The following RAD51B variants were observed in gnomAD, a reference collection of about 807,000 sequenced individuals.
The protein encoded by RAD51B is DNA repair protein RAD51 homolog 2.
Under a neutral mutation model 42.2 loss-of-function variants are expected in RAD51B, and 38 were observed. The ratio of observed to expected loss-of-function variants is 0.90; its 90% CI spans 0.70 to 1.18. The LOEUF is 1.18. Among genes scored for constraint, RAD51B ranks in the 50% most tolerant of loss-of-function variants. The pLI is 0.00. For synonymous variants in RAD51B, 154 were observed against 145.2 expected, an observed-to-expected ratio of 1.06 and a Z score of -0.43; for missense variants, 373 against 400.7, an observed-to-expected ratio of 0.93 and a Z score of 0.59.
rs534735822 is a variant in RAD51B at position 68,601,264 on chromosome 14, G to A, written c.1037-9742G>A. Among the ~76,000 whole-genome samples the A allele has an allele frequency of 2.6e-5, 4 of 152,162 alleles. No homozygotes were observed. In the South Asian group the frequency reaches 8.3e-4, roughly 32 times the overall value. ...GGTGGGGGGGTGGGTCCTGGCAAGA[G>A]ATGGGTGATGTAGGAATGGCCTAGC... is the stretch of plus-strand genomic sequence containing the variant. On this transcript the variant is annotated intron_variant, in intron 10 of 10. Transcript: ENST00000487861.
intron 5 of RAD51B, among the ~76,000 whole-genome samples, chr14:67,875,553 G>T (rs1283158756): frequency 6.6e-6 from 1 of 152,066 alleles, no homozygotes; most frequent in Non-Finnish European, 1.5e-5. Flanking sequence ...TGTTACAATT[G>T]CCTACAATAT....
At chr14:67,879,223 G>A (rs2042828101) in intron 5 of RAD51B, among the ~76,000 whole-genome samples, 1 of 152,230 alleles carries the variant, frequency 6.6e-6, no homozygotes, top group Non-Finnish European at 1.5e-5. Context: ...CTTTTTAAAG[G>A]AAGTCTCAGC....
intron 3 of RAD51B, among the ~76,000 whole-genome samples, chr14:67,833,983 G>A (rs956491044): frequency 2.6e-5 from 4 of 152,116 alleles, no homozygotes; most frequent in African/African-American, 9.7e-5. Flanking sequence ...AGTTTCCTGT[G>A]GCAGTTCTAA....
At chr14:68,609,172 A>G (rs1891572641) in intron 10 of RAD51B, among the ~76,000 whole-genome samples, 1 of 151,924 alleles carries the variant, frequency 6.6e-6, no homozygotes, top group South Asian at 2.1e-4. Context: ...CTCACTCTCA[A>G]CTTTACTCAG....
Position 68,083,708 on chromosome 14 carries a change from G to A in RAD51B, c.756+196504G>A, listed in dbSNP as rs1334994853. On this transcript the variant is annotated intron_variant, in intron 7 of 10. Coordinates refer to ENST00000471583, the MANE Select transcript of RAD51B (RefSeq NM_133510.4). ...ATATTTCTTGATAGAAAAAAAGTAA[G>A]TTGCCATTCATGCAAGTAAATCATA... is the stretch of plus-strand genomic sequence containing the variant. Among the ~76,000 whole-genome samples the A allele has an allele frequency of 1.3e-5, 2 of 152,104 alleles. 1 individual carries two copies. Among genetic ancestry groups the A allele is most frequent in the Non-Finnish European group, 2.9e-5 (2 of 68,014 alleles).
chr14:68,029,648 A>G (rs1305756483), intron 7 of RAD51B, among the ~76,000 whole-genome samples: 1 of 152,196 alleles, frequency 6.6e-6, no homozygotes, highest in East Asian at 1.9e-4. Flanking sequence ...CCTCAAAGTA[A>G]TGCATGACAG....
chr14:68,354,725 T>G (rs1454354994), intron 8 of RAD51B, among the ~76,000 whole-genome samples: 1 of 151,962 alleles, frequency 6.6e-6, no homozygotes, highest in Non-Finnish European at 1.5e-5. Flanking sequence ...TTTTTTAATT[T>G]TTTTTTTTTA....
At chr14:68,550,604 G>A (rs1272016225) in intron 10 of RAD51B, among the ~76,000 whole-genome samples, 3 of 152,242 alleles carry the variant, frequency 2.0e-5, no homozygotes, top group Non-Finnish European at 4.4e-5. Context: ...AGTGCTTGGA[G>A]ACAGTTTGTT....
In RAD51B at chr14:68,669,021, G is replaced by A. The variant is rs188164739; in HGVS notation, c.*11+18165G>A. The stretch of plus-strand genomic sequence containing the variant: ...CTATTTTAGTTGAAGTTGAAAAGAC[G>A]ATATCTTTGCTAGAGTCCAGAAAGA... On this transcript the variant is annotated intron_variant, in intron 11 of 11. Transcript: ENST00000488612. Among the ~76,000 whole-genome samples, 84 of 152,328 alleles carry A rather than the reference G, an allele frequency of 5.5e-4. 2 individuals are homozygous for A. The highest frequency in any genetic ancestry group is 2.4e-3 in the Admixed American group (37 of 15,306).
chr14:68,484,359 CTT>C (rs10665607), intron 10 of RAD51B, among the ~76,000 whole-genome samples: 11 of 130,138 alleles, frequency 8.5e-5, no homozygotes, highest in Admixed American at 1.6e-4. Flanking sequence ...CTTTCTTTTT[CTT>C]TTTTTTTTTT....
At chr14:68,460,993 TATATAG>T (rs1400457174) in intron 9 of RAD51B, among the ~76,000 whole-genome samples, 10 of 152,110 alleles carry the variant, frequency 6.6e-5, no homozygotes. Flanking sequence ...TTCTCTTACG[TATATAG>T]CACCACACTA....
chr14:68,635,053 T>G (rs1057436078), intron 10 of RAD51B, among the ~76,000 whole-genome samples: 1 of 152,192 alleles, frequency 6.6e-6, no homozygotes, highest in Non-Finnish European at 1.5e-5. Flanking sequence ...GGTTTCCTTA[T>G]CTTCCTTATC....
intron 10 of RAD51B, among the ~76,000 whole-genome samples, chr14:68,593,441 A>G (rs4902605): frequency 0.02 from 3,056 of 152,298 alleles, 103 homozygotes; most frequent in African/African-American, 0.068. Flanking sequence ...GGTAGGGGAC[A>G]AGTTGTCCCA....
chr14:68,303,825 A>T (rs968885633), intron 8 of RAD51B, among the ~76,000 whole-genome samples: 1 of 152,180 alleles, frequency 6.6e-6, no homozygotes, highest in East Asian at 1.9e-4. Context: ...CAGGCTATCT[A>T]TAACTCTGCT....
Position 68,478,011 on chromosome 14 carries a change from C to T in RAD51B, c.*347C>T. On this transcript the variant is annotated 3_prime_UTR_variant, in exon 11 of 11. Coordinates refer to ENST00000471583, the MANE Select transcript of RAD51B (RefSeq NM_133510.4). ...ACATTAATTAATTAAAGCCCACAATCCTCCTGGGGAGAGGAGGAGGATGAC... is the reference window on the plus strand; with the variant it reads ...ACATTAATTAATTAAAGCCCACAATTCTCCTGGGGAGAGGAGGAGGATGAC... The T allele has an allele frequency of 9.1e-7, 1 of 1,101,760 alleles. No homozygotes were observed. Among genetic ancestry groups the T allele is most frequent in the Non-Finnish European group, 1.1e-6 (1 of 904,082 alleles). The allele number at this position is 1,101,760 out of a possible 1,614,324, so 68.2% of individuals were successfully genotyped here.
At chr14:68,376,070 C>G (rs1594749299) in intron 8 of RAD51B, among the ~76,000 whole-genome samples, 1 of 152,148 alleles carries the variant, frequency 6.6e-6, no homozygotes, top group East Asian at 1.9e-4. Flanking sequence ...CAAGGCAAAG[C>G]TGTTGGGGCC....
At chr14:67,967,157 C>T (rs141059549) in intron 7 of RAD51B, among the ~76,000 whole-genome samples, 1 of 152,114 alleles carries the variant, frequency 6.6e-6, no homozygotes, top group African/African-American at 2.4e-5. Context: ...TCTTGTGAGA[C>T]TTATTCACTA....
chr14:68,282,569 C>T lies in RAD51B; in HGVS notation c.757-9315C>T, dbSNP rs2081340189. On this transcript the variant is annotated intron_variant, in intron 7 of 10. Coordinates refer to ENST00000471583, the MANE Select transcript of RAD51B (RefSeq NM_133510.4). ...ATTGCTTCAGCTGCCCCCACCCCTC[C>T]TTTTAAAAATAACACCTTACACAAT... 2.6e-5 allele frequency among the ~76,000 whole-genome samples: 4 copies of T among 152,198 alleles called. 1 individual carries two copies. The South Asian group carries it at 8.3e-4, about 31-fold the overall frequency.
At chr14:68,357,557 A>G (rs1426091313) in intron 8 of RAD51B, among the ~76,000 whole-genome samples, 1 of 152,082 alleles carries the variant, frequency 6.6e-6, no homozygotes, top group Non-Finnish European at 1.5e-5. Context: ...AGGAATCACT[A>G]TCTATGGCAG....
Sources: allele counts gnomAD v4.1 joint callset (sites outside exome capture counted in the v4.1 genomes callset), GRCh38; gene constraint gnomAD v4.1.1; transcripts MANE v1.5; gene names NCBI Gene and HGNC (gene_info 2026-07-23, HGNC 2026-07-21).